Variants in STON2 observed in about 807,000 individuals in gnomAD.
STON2 encodes the protein stonin-2.
In STON2, 29 loss-of-function variants were observed where a neutral mutation model predicts 65.7. The observed-to-expected ratio is 0.44, with a 90% CI of 0.33 to 0.60. The LOEUF is 0.60. Ranked by LOEUF, STON2 falls within the 20% of genes least tolerant of loss-of-function variation. The pLI is 0.03. For synonymous variants in STON2, 404 were observed against 414.2 expected (o/e 0.98, Z 0.30); for missense variants, 1,054 against 1,118.1 (o/e 0.94, Z 0.82).
At chr14:81,417,227 C>T (rs1020937809) in intron 2 of STON2, among the ~76,000 whole-genome samples, 3 of 152,120 alleles carry the variant, frequency 2.0e-5, no homozygotes, top group African/African-American at 4.8e-5. Context: ...CACAATGCGA[C>T]AAAAACCACG....
At chr14:81,430,912 T>C (rs1902201215) in intron 1 of STON2, among the ~76,000 whole-genome samples, 2 of 152,216 alleles carry the variant, frequency 1.3e-5, no homozygotes, top group African/African-American at 2.4e-5. Flanking sequence ...CTGGTTTAAG[T>C]GTCCCTTCTC....
intron 5 of STON2, among the ~76,000 whole-genome samples, chr14:81,306,355 A>T (rs533420877): frequency 1.4e-5 from 2 of 146,146 alleles, no homozygotes; most frequent in Non-Finnish European, 3.0e-5. Flanking sequence ...TCAGCCTCTG[A>T]GCAGATGGGA....
intron 4 of STON2, among the ~76,000 whole-genome samples, chr14:81,363,737 G>A (rs1898600365): frequency 1.3e-5 from 2 of 152,166 alleles, no homozygotes; most frequent in South Asian, 4.1e-4. Context: ...TTAAAAATTA[G>A]TTAACTTGTT....
At chr14:81,352,135 T>C (rs1167945029) in intron 4 of STON2, among the ~76,000 whole-genome samples, 2 of 152,176 alleles carry the variant, frequency 1.3e-5, no homozygotes, top group Non-Finnish European at 2.9e-5. Context: ...TCATAATTAA[T>C]GGTAGTATTA....
chr14:81,370,564 T>C (rs919901360), intron 4 of STON2, among the ~76,000 whole-genome samples: 1 of 152,198 alleles, frequency 6.6e-6, no homozygotes, highest in Admixed American at 6.5e-5. Flanking sequence ...TCTCATTCTG[T>C]TTTATATAAC....
intron 5 of STON2, among the ~76,000 whole-genome samples, chr14:81,312,790 C>T (rs10873336): frequency 0.79 from 119,833 of 152,256 alleles, 47,308 homozygotes; most frequent in African/African-American, 0.8. Flanking sequence ...CTTTTGAAAA[C>T]TGGTAATTTT....
At chr14:81,381,276 A>C (rs1899501335) in intron 3 of STON2, among the ~76,000 whole-genome samples, 3 of 151,552 alleles carry the variant, frequency 2.0e-5, no homozygotes, top group Admixed American at 6.5e-5. Flanking sequence ...ATGACTTTGG[A>C]GTAGAGAAAT....
At chr14:81,403,281 T>A (rs751906465), upstream of STON2, among the ~76,000 whole-genome samples, 2 of 152,232 alleles carry the variant, frequency 1.3e-5, no homozygotes, top group Non-Finnish European at 2.9e-5. Context: ...AATCATTATC[T>A]CAGGCTTGGC....
chr14:81,337,453 AT>A (rs1376485852), intron 4 of STON2, among the ~76,000 whole-genome samples: 1 of 152,186 alleles, frequency 6.6e-6, no homozygotes, highest in African/African-American at 2.4e-5. Flanking sequence ...CAGACAAATC[AT>A]TTCAAGTAGG....
intron 2 of STON2, among the ~76,000 whole-genome samples, chr14:81,420,415 G>A (rs948563719): frequency 2.0e-5 from 3 of 152,144 alleles, no homozygotes; most frequent in African/African-American, 4.8e-5. Context: ...ACAGAACATC[G>A]CCCATTCATT....
rs142075412 is a variant in STON2, at chr14:81,390,580, AAAAC to A, written c.373+5310_373+5313del. Among the ~76,000 whole-genome samples, 1,131 of 152,302 alleles carry A rather than the reference AAAAC, an allele frequency of 7.4e-3. 11 individuals are homozygous for A. The highest frequency in any genetic ancestry group is 0.042 in the South Asian group (204 of 4,820). ...GACTCCGTCTCAAAAAACAAAACAA[AAAAC>A]AAACAAACAAACAAACAAACAAAAA... On this transcript the variant is annotated intron_variant, in intron 3 of 7. Transcript: ENST00000614646.
At chr14:81,276,582 G>A (rs1894827638) in intron 6 of STON2, among the ~76,000 whole-genome samples, 1 of 152,194 alleles carries the variant, frequency 6.6e-6, no homozygotes, top group Non-Finnish European at 1.5e-5. Context: ...CAGCACCACA[G>A]CTAATACGTT....
At chr14:81,374,068 T>A (rs1899136243) in intron 3 of STON2, among the ~76,000 whole-genome samples, 1 of 137,188 alleles carries the variant, frequency 7.3e-6, no homozygotes, top group Non-Finnish European at 1.5e-5. Flanking sequence ...TGGAGTGTAG[T>A]GGTGCAATCC....
chr14:81,368,667 T>C (rs946966521), intron 4 of STON2, among the ~76,000 whole-genome samples: 7 of 152,096 alleles, frequency 4.6e-5, no homozygotes, highest in East Asian at 1.9e-4. Context: ...TGAGCCGAGA[T>C]TGCACCATCG....
chr14:81,342,019 G>A (rs1395593524), intron 4 of STON2, among the ~76,000 whole-genome samples: 1 of 152,188 alleles, frequency 6.6e-6, no homozygotes, highest in East Asian at 1.9e-4. Context: ...GAGTTCAGAT[G>A]CTGGCTCACA....
chr14:81,339,826 A>C (rs1481372956), intron 4 of STON2, among the ~76,000 whole-genome samples: 2 of 152,256 alleles, frequency 1.3e-5, no homozygotes, highest in African/African-American at 4.8e-5. Context: ...ATAATGGATT[A>C]TTGGTACACA....
intron 5 of STON2, among the ~76,000 whole-genome samples, chr14:81,295,786 TAA>T (rs1895739780): frequency 6.6e-6 from 1 of 152,198 alleles, no homozygotes; most frequent in South Asian, 2.1e-4. Flanking sequence ...CTAAAATAAA[TAA>T]GTTTGTTTCT....
At chr14:81,323,406 A>T (rs1896890093) in intron 5 of STON2, 1 of 151,694 alleles carries the variant, frequency 6.6e-6, no homozygotes, top group Admixed American at 6.6e-5. Context: ...CTTAAATGCC[A>T]CACAAATTCC....
At chr14:81,422,559 TG>T (rs1901756645) in intron 2 of STON2, among the ~76,000 whole-genome samples, 1 of 151,912 alleles carries the variant, frequency 6.6e-6, no homozygotes, top group Non-Finnish European at 1.5e-5. Context: ...GTCAATACTA[TG>T]ATAATACAGA....
Sources: allele counts gnomAD v4.1 joint callset (sites outside exome capture counted in the v4.1 genomes callset), GRCh38; gene constraint gnomAD v4.1.1; transcripts MANE v1.5; gene names NCBI Gene and HGNC (gene_info 2026-07-23, HGNC 2026-07-21).